Variants in ZNF385D observed in about 807,000 individuals in gnomAD.
The protein encoded by ZNF385D is zinc finger protein 659.
Under a neutral mutation model 35.8 loss-of-function variants are expected in ZNF385D, and 15 were observed. That is an observed-to-expected ratio of 0.42 (90% confidence interval 0.28 to 0.64). ZNF385D has a LOEUF of 0.64. ZNF385D is among the 30% of genes least tolerant of loss of function. The pLI is 0.23. For missense variants in ZNF385D, 474 were observed against 494.6 expected, an observed-to-expected ratio of 0.96 and a Z score of 0.39; for synonymous variants, 212 against 186.8, an observed-to-expected ratio of 1.13 and a Z score of -1.10.
At chr3:21,732,974 T>G (rs1157001161) in intron 1 of ZNF385D, among the ~76,000 whole-genome samples, 1 of 152,208 alleles carries the variant, frequency 6.6e-6, no homozygotes, top group Non-Finnish European at 1.5e-5. Context: ...AAATCCAAGG[T>G]CCTCTAGATT....
At chr3:22,090,195 G>C (rs1701259278) in intron 3 of ZNF385D, among the ~76,000 whole-genome samples, 1 of 152,088 alleles carries the variant, frequency 6.6e-6, no homozygotes, top group Admixed American at 6.6e-5. Context: ...CAAAATTTCT[G>C]CTCTGGGAAT....
intron 3 of ZNF385D, among the ~76,000 whole-genome samples, chr3:21,771,540 C>T (rs764174805): frequency 6.6e-6 from 1 of 151,510 alleles, no homozygotes; most frequent in Non-Finnish European, 1.5e-5. Context: ...GACAACTCTA[C>T]CAGACAAAAA....
Position 21,805,690 on chromosome 3 carries a change from T to G in ZNF385D, c.326-140662A>C, listed in dbSNP as rs147489404. ...TCTCCTTATCCTGTCCTAATTTTCC[T>G]CAGAGTTGCCAAGAGTATAGCAACA... On this transcript the variant is annotated intron_variant, in intron 3 of 5. Transcript: ENST00000494108. Among the ~76,000 whole-genome samples, 399 of 152,302 alleles carry G rather than the reference T, an allele frequency of 2.6e-3. 3 individuals are homozygous for G. Among genetic ancestry groups the G allele is most frequent in the African/African-American group, 9.1e-3 (380 of 41,572 alleles).
intron 3 of ZNF385D, among the ~76,000 whole-genome samples, chr3:22,129,941 T>C (rs1025645204): frequency 6.6e-6 from 1 of 152,084 alleles, no homozygotes; most frequent in Non-Finnish European, 1.5e-5. Flanking sequence ...GAAGCCAGCA[T>C]AATATTGGGT....
chr3:21,437,038 C>G lies in ZNF385D; in HGVS notation c.605G>C (p.Arg202Pro). 6.2e-7 allele frequency: 1 copy of G among 1,613,954 alleles called. No homozygotes were observed. Among genetic ancestry groups the G allele is most frequent in the Non-Finnish European group, 8.5e-7 (1 of 1,179,884 alleles). The change falls in exon 5 of 8, where the codon CGG becomes CCG. Residue 202 changes from arginine to proline, a missense_variant. Physicochemically the swap from Arg to Pro is moderately radical, Grantham distance 103 (BLOSUM62 -2). Coordinates refer to ENST00000281523, the MANE Select transcript of ZNF385D (RefSeq NM_024697.3). ...STETEEEKAK[R>P]LLYCSLCKVA... ...CTTGCATAGCGAACAGTAAAGAAGC[C>G]GTTTTGCCTTTTCTTCCTCGGTCTC...
At chr3:21,478,859 A>G (rs926290035) in intron 4 of ZNF385D, among the ~76,000 whole-genome samples, 1 of 152,138 alleles carries the variant, frequency 6.6e-6, no homozygotes, top group African/African-American at 2.4e-5. Context: ...TTTTCTATTT[A>G]CCTACATTCA....
chr3:21,934,548 C>T (rs1701170098), intron 3 of ZNF385D, among the ~76,000 whole-genome samples: 2 of 152,154 alleles, frequency 1.3e-5, no homozygotes, highest in Non-Finnish European at 2.9e-5. Context: ...CTAGCAATCA[C>T]ATATGCAAAA....
At chr3:22,133,555 G>C (rs1703929004) in intron 3 of ZNF385D, 1 of 151,982 alleles carries the variant, frequency 6.6e-6, no homozygotes, top group South Asian at 2.1e-4. Flanking sequence ...TCTGGTTTGA[G>C]GCAAGATCAA....
intron 1 of ZNF385D, among the ~76,000 whole-genome samples, chr3:21,747,740 C>T (rs556363842): frequency 6.6e-6 from 1 of 152,204 alleles, no homozygotes; most frequent in Non-Finnish European, 1.5e-5. Context: ...GTCCTCTTAA[C>T]CAAACTGTAA....
chr3:22,097,914 C>T (rs1300141385), intron 3 of ZNF385D, among the ~76,000 whole-genome samples: 3 of 152,000 alleles, frequency 2.0e-5, no homozygotes, highest in Non-Finnish European at 4.4e-5. Flanking sequence ...AACCTAGAGA[C>T]AGTGGCATTG....
chr3:21,436,092 T>C (rs1474822105), intron 5 of ZNF385D, among the ~76,000 whole-genome samples: 5 of 152,188 alleles, frequency 3.3e-5, no homozygotes, highest in Non-Finnish European at 7.4e-5. Flanking sequence ...AAAGTTGATC[T>C]TGGCAATGAA....
chr3:21,534,859 T>C (rs1023973313), intron 3 of ZNF385D, among the ~76,000 whole-genome samples: 2 of 152,240 alleles, frequency 1.3e-5, no homozygotes, highest in East Asian at 1.9e-4. Context: ...TTTTGAGCAA[T>C]TGTCCTTATA....
At chr3:21,750,757 G>T in intron 1 of ZNF385D, 138 bp downstream of exon 1, 1 of 996,498 alleles carries the variant, frequency 1.0e-6, no homozygotes, top group Non-Finnish European at 1.5e-6. Context: ...AGGCTGCACC[G>T]GCTTGGTCCT....
intron 2 of ZNF385D, among the ~76,000 whole-genome samples, chr3:22,338,462 GGTGA>G (rs1274337601): frequency 1.3e-5 from 2 of 150,774 alleles, no homozygotes; most frequent in African/African-American, 4.9e-5. Flanking sequence ...TGGAAAAAGA[GGTGA>G]GTAAAGTCAG....
At chr3:21,772,181 G>C (rs2071103602) in intron 3 of ZNF385D, among the ~76,000 whole-genome samples, 1 of 151,838 alleles carries the variant, frequency 6.6e-6, no homozygotes, top group African/African-American at 2.4e-5. Flanking sequence ...TGATTTCTTG[G>C]ATATCACAGA....
chr3:22,295,606 G>C (rs1244859361), intron 2 of ZNF385D, among the ~76,000 whole-genome samples: 1 of 152,160 alleles, frequency 6.6e-6, no homozygotes, highest in African/African-American at 2.4e-5. Context: ...GTGGGAACTA[G>C]TCTAGGGCTG....
At chr3:21,767,729 G>C (rs532881750) in intron 3 of ZNF385D, among the ~76,000 whole-genome samples, 91 of 152,032 alleles carry the variant, frequency 6.0e-4, no homozygotes, top group African/African-American at 2.0e-3. Context: ...AGAAAGAAGA[G>C]AAAGGATTAT....
intron 3 of ZNF385D, among the ~76,000 whole-genome samples, chr3:22,101,420 C>T (rs563574688): frequency 1.3e-5 from 2 of 152,162 alleles, no homozygotes; most frequent in South Asian, 4.2e-4. Flanking sequence ...GTTCCACGTG[C>T]CAATCTGTGT....
intron 3 of ZNF385D, among the ~76,000 whole-genome samples, chr3:21,788,182 A>G (rs185872647): frequency 2.6e-5 from 4 of 152,324 alleles, no homozygotes; most frequent in Middle Eastern, 3.4e-3. Flanking sequence ...GTAGAAATAG[A>G]AAGATAGTAA....
Sources: gnomAD v4.1 joint callset for allele counts (sites outside exome capture counted in the v4.1 genomes callset) on GRCh38, gnomAD v4.1.1 for gene constraint, MANE v1.5 for transcripts, NCBI Gene and HGNC (gene_info 2026-07-23, HGNC 2026-07-21) for gene names.